PIK3R6: variants seen among roughly 807,000 people sequenced by gnomAD.
PIK3R6 encodes the protein phosphoinositide-3-kinase regulatory subunit 6.
A neutral mutation model predicts 84.9 loss-of-function variants in PIK3R6; 91 were observed. That is an observed-to-expected ratio of 1.07 (90% CI 0.90 to 1.28). The LOEUF is 1.28. Ranked by LOEUF, PIK3R6 falls within the 50% of genes most tolerant of loss-of-function variation. PIK3R6 has a pLI of 0.00. For missense variants in PIK3R6, 996 were observed against 985.1 expected, an observed-to-expected ratio of 1.01 and a Z score of -0.15; for synonymous variants, 416 against 411.4, an observed-to-expected ratio of 1.01 and a Z score of -0.13.
At chr17:8,818,919 T>C (rs1337868128) in intron 18 of PIK3R6, among the ~76,000 whole-genome samples, 164 bp downstream of exon 18, 2 of 152,162 alleles carry the variant, frequency 1.3e-5, no homozygotes, top group Non-Finnish European at 1.5e-5. Context: ...AACAGACTGA[T>C]TGAAAAGCGG....
intron 1 of PIK3R6, among the ~76,000 whole-genome samples, chr17:8,854,065 A>G (rs1278156714): frequency 6.6e-6 from 1 of 152,156 alleles, no homozygotes; most frequent in Non-Finnish European, 1.5e-5. Context: ...CATATAAGTC[A>G]ATTCTAAAGT....
At chr17:8,828,300 T>G in intron 11 of PIK3R6, 110 bp from the exon 12 acceptor site, 1 of 1,184,220 alleles carries the variant, frequency 8.4e-7, no homozygotes, top group Non-Finnish European at 1.2e-6. Flanking sequence ...GTCATCTTTC[T>G]GAGCCTCTGC....
intron 1 of PIK3R6, among the ~76,000 whole-genome samples, chr17:8,866,310 G>C (rs1276324129): frequency 1.3e-5 from 2 of 152,102 alleles, no homozygotes; most frequent in African/African-American, 4.8e-5. Flanking sequence ...GGCCGAGGTG[G>C]GTGGATCACG....
chr17:8,803,458 G>T lies in PIK3R6; in HGVS notation c.2109-29C>A. On this transcript the variant is annotated intron_variant, in intron 19 of 19. Coordinates refer to ENST00000619866, the MANE Select transcript of PIK3R6 (RefSeq NM_001010855.4). The surrounding 1 kb of genome is among the most constrained non-coding windows in gnomAD (Gnocchi z 5.0). ...TGGGTGGAGAGAGACCAGCTCAGGT[G>T]ACCCATCTGAGGGATCAGATTGCCT... 6.4e-7 allele frequency: 1 copy of T among 1,574,456 alleles called. No homozygotes were observed. Among genetic ancestry groups the T allele is most frequent in the South Asian group, 1.2e-5 (1 of 83,200 alleles).
intron 17 of PIK3R6, among the ~76,000 whole-genome samples, chr17:8,819,695 C>T (rs867753675): frequency 0.017 from 2,098 of 124,760 alleles, 71 homozygotes; most frequent in African/African-American, 0.067. Context: ...TATATACACA[C>T]ACACACACAC....
intron 8 of PIK3R6, among the ~76,000 whole-genome samples, chr17:8,834,344 G>T (rs2088376657): frequency 6.6e-6 from 1 of 151,934 alleles, no homozygotes; most frequent in Admixed American, 6.6e-5. Context: ...AGACAGGCCA[G>T]AGAGGAAATG....
intron 5 of PIK3R6, among the ~76,000 whole-genome samples, 164 bp from the exon 6 acceptor site, chr17:8,837,087 C>G (rs2088498879): frequency 6.6e-6 from 1 of 152,012 alleles, no homozygotes; most frequent in South Asian, 2.1e-4. Context: ...CTCCCAAACC[C>G]ACACCTTCCA....
chr17:8,829,120 A>C (rs1310164102), intron 10 of PIK3R6, 130 bp from the exon 11 acceptor site: 1 of 880,744 alleles, frequency 1.1e-6, no homozygotes, highest in East Asian at 3.0e-5. Context: ...CACACATATG[A>C]ACATGCACAG....
intron 1 of PIK3R6, among the ~76,000 whole-genome samples, chr17:8,858,725 G>A (rs1167146082): frequency 6.6e-6 from 1 of 152,210 alleles, no homozygotes; most frequent in Non-Finnish European, 1.5e-5. Flanking sequence ...ACATTGAGTG[G>A]CTGTTACTGT....
Position 8,855,674 on chromosome 17 carries a change from A to G in PIK3R6, c.-91-5789T>C, listed in dbSNP as rs559347915. On this transcript the variant is annotated intron_variant, in intron 1 of 19. Transcript: ENST00000619866. Reference sequence around the variant, plus strand: ...TTTGTTACATTGGTATACACGTGCCATGGTGGTTTGCTGCACCCATCAACC... The same window carrying G: ...TTTGTTACATTGGTATACACGTGCCGTGGTGGTTTGCTGCACCCATCAACC... 9.2e-5 allele frequency among the ~76,000 whole-genome samples: 14 copies of G among 152,350 alleles called. No homozygotes were observed. In the East Asian group the frequency reaches 1.7e-3, roughly 19 times the overall value.
intron 17 of PIK3R6, among the ~76,000 whole-genome samples, chr17:8,819,625 G>C (rs1217633321): frequency 1.3e-5 from 2 of 149,160 alleles, no homozygotes; most frequent in African/African-American, 5.0e-5. Flanking sequence ...AGTGCCAACA[G>C]GTCAAGGTTT....
At chr17:8,817,242 A>G (rs1038817496) in intron 18 of PIK3R6, among the ~76,000 whole-genome samples, 1 of 152,362 alleles carries the variant, frequency 6.6e-6, no homozygotes, top group South Asian at 2.1e-4. Flanking sequence ...TTACACCTGA[A>G]AATGTTAATA....
chr17:8,856,494 C>T (rs917713021), intron 1 of PIK3R6, among the ~76,000 whole-genome samples: 7 of 152,130 alleles, frequency 4.6e-5, no homozygotes, highest in Admixed American at 2.6e-4. Context: ...CCCAGCTACC[C>T]GGGAGGCTGA....
At chr17:8,830,727 G>A (rs972168094) in intron 9 of PIK3R6, among the ~76,000 whole-genome samples, 1 of 152,190 alleles carries the variant, frequency 6.6e-6, no homozygotes, top group Non-Finnish European at 1.5e-5. Context: ...GTGACGACTT[G>A]AGCCCAGGCA....
chr17:8,816,793 C>T (rs1364359128), intron 18 of PIK3R6, among the ~76,000 whole-genome samples: 1 of 152,142 alleles, frequency 6.6e-6, no homozygotes, highest in Non-Finnish European at 1.5e-5. Context: ...GAAAAATTGG[C>T]ACTCAAACAC....
intron 6 of PIK3R6, 40 bp downstream of exon 6, chr17:8,836,751 A>C: frequency 6.2e-7 from 1 of 1,610,698 alleles, no homozygotes; most frequent in Non-Finnish European, 8.5e-7. Flanking sequence ...GCAATGTTGG[A>C]GGTGCAGCGT....
At chr17:8,810,453 C>G (rs1186961865) in intron 18 of PIK3R6, among the ~76,000 whole-genome samples, 1 of 148,282 alleles carries the variant, frequency 6.7e-6, no homozygotes, top group African/African-American at 2.5e-5. Flanking sequence ...GCCTTCCCAA[C>G]AGTCCCCTGT....
rs189736395 is a variant in PIK3R6, at chr17:8,823,864, G to A, written c.1516-367C>T. Among the ~76,000 whole-genome samples the A allele has an allele frequency of 6.0e-3, 910 of 152,282 alleles. 10 individuals are homozygous for A. Among genetic ancestry groups the A allele is most frequent in the African/African-American group, 0.021 (861 of 41,552 alleles). On this transcript the variant is annotated intron_variant, in intron 13 of 19. Transcript: ENST00000619866. Reference sequence around the variant, plus strand: ...GCTACTTGCCATTGGCCAAGCAGGCGTGGGCAAGTTATTCAAACTCTATGA... The same window carrying A: ...GCTACTTGCCATTGGCCAAGCAGGCATGGGCAAGTTATTCAAACTCTATGA...
chr17:8,836,506 T>C, intron 7 of PIK3R6, 41 bp downstream of exon 7: 2 of 1,606,218 alleles, frequency 1.2e-6, no homozygotes, highest in Non-Finnish European at 8.5e-7. Flanking sequence ...CCACAACAGT[T>C]TTAGGAGGCT....
Sources: gnomAD v4.1 joint callset for allele counts (sites outside exome capture counted in the v4.1 genomes callset) on GRCh38, gnomAD v4.1.1 for gene constraint, Gnocchi (gnomAD v3.1) non-coding constraint, MANE v1.5 for transcripts, NCBI Gene and HGNC (gene_info 2026-07-23, HGNC 2026-07-21) for gene names.